The following FBXO8 variants were observed in gnomAD, a reference collection of about 807,000 sequenced individuals.
FBXO8 encodes F-box protein 8.
A neutral mutation model predicts 33.4 loss-of-function variants in FBXO8; 15 were observed. The observed-to-expected ratio is 0.45, with a 90% CI of 0.30 to 0.69. The LOEUF (loss-of-function observed/expected upper bound fraction) is 0.69. Ranked by LOEUF, FBXO8 falls within the 30% of genes least tolerant of loss-of-function variation. FBXO8 has a pLI of 0.08. For missense variants in FBXO8, 274 were observed against 380.3 expected (o/e 0.72, Z 2.32); for synonymous variants, 132 against 131.5 (o/e 1.00, Z -0.02).
At chr4:174,250,165 T>C (rs1736253811) in intron 3 of FBXO8, among the ~76,000 whole-genome samples, 2 of 152,002 alleles carry the variant, frequency 1.3e-5, no homozygotes, top group African/African-American at 2.4e-5. Flanking sequence ...ATTTTACAGA[T>C]GGGGAAACTG....
rs942434335 is a variant in FBXO8, at chr4:174,274,520, A to G, written c.-9+8890T>C. Among the ~76,000 whole-genome samples, 1 of 152,216 alleles carries G rather than the reference A, an allele frequency of 6.6e-6. No individual in the cohort carries two copies. The highest frequency in any genetic ancestry group is 1.5e-5 in the Non-Finnish European group (1 of 68,042). On this transcript the variant is annotated intron_variant, in intron 1 of 5. Coordinates refer to ENST00000393674, the MANE Select transcript of FBXO8 (RefSeq NM_012180.3). This position sits in a 1 kb window ranked among gnomAD's most constrained non-coding sequence, Gnocchi z 4.0. The stretch of plus-strand genomic sequence containing the variant: ...GAATTTCATTAATTTGGGATCTGTG[A>G]AATTTGGAGAGATGCCATTTACATA...
rs1736490797 is a variant in FBXO8, at chr4:174,259,377, AC to A, written c.456+321del. On this transcript the variant is annotated intron_variant, in intron 3 of 5. Coordinates refer to ENST00000393674, the MANE Select transcript of FBXO8 (RefSeq NM_012180.3). The surrounding 1 kb of genome is among the most constrained non-coding windows in gnomAD (Gnocchi z 4.3). ...AACTGCTGCAGATAAAATCTGATGA[AC>A]ACACTCTGTGTTCTTATTATCAAAT... 4.6e-5 allele frequency among the ~76,000 whole-genome samples: 7 copies of A among 152,196 alleles called. No individual in the cohort carries two copies. In the South Asian group the frequency reaches 1.4e-3, roughly 32 times the overall value.
chr4:174,277,498 T>C lies in FBXO8; in HGVS notation c.-9+5912A>G, dbSNP rs1363173789. Among the ~76,000 whole-genome samples, 2 of 152,126 alleles carry C rather than the reference T, an allele frequency of 1.3e-5. No individual in the cohort carries two copies. The highest frequency in any genetic ancestry group is 3.9e-4 in the East Asian group (2 of 5,190). On this transcript the variant is annotated intron_variant, in intron 1 of 5. Transcript: ENST00000393674. This position sits in a 1 kb window ranked among gnomAD's most constrained non-coding sequence, Gnocchi z 4.9. ...AAGTAATGAAGAATGGTTTATATAC[T>C]ATTTGGGCATATAAAATCTACACAG... is the stretch of plus-strand genomic sequence containing the variant.
At position 174,252,123 on chromosome 4, in the gene FBXO8, C is replaced by T. The variant is rs1159842057; in HGVS notation, c.456+7576G>A. ...AGCTGCGACTCCAGACACATGCTAT[C>T]ATACCCGGTTAATTTCTGTATTTTT... On this transcript the variant is annotated intron_variant, in intron 3 of 5. Coordinates refer to ENST00000393674, the MANE Select transcript of FBXO8 (RefSeq NM_012180.3). This position sits in a 1 kb window ranked among gnomAD's most constrained non-coding sequence, Gnocchi z 5.1. Among the ~76,000 whole-genome samples, 1 of 152,070 alleles carries T rather than the reference C, an allele frequency of 6.6e-6. No homozygotes were observed. The highest frequency in any genetic ancestry group is 1.5e-5 in the Non-Finnish European group (1 of 68,012).
chr4:174,246,625 T>C (rs1300904043), intron 3 of FBXO8, among the ~76,000 whole-genome samples: 1 of 151,712 alleles, frequency 6.6e-6, no homozygotes, highest in African/African-American at 2.4e-5. Context: ...GACCTACTCA[T>C]GTTAGAAGAC....
rs7699942 is a variant in FBXO8, at chr4:174,277,380, C to A, written c.-9+6030G>T. ...CTATCTCTCTGTAACAAGTTAAACA[C>A]CAAAATAAAGTAGTATTTATTAAGA... On this transcript the variant is annotated intron_variant, in intron 1 of 5. Transcript: ENST00000393674. The surrounding 1 kb of genome is among the most constrained non-coding windows in gnomAD (Gnocchi z 4.9). 2.0e-5 allele frequency among the ~76,000 whole-genome samples: 3 copies of A among 152,064 alleles called. No homozygotes were observed. The highest frequency in any genetic ancestry group is 2.0e-4 in the Admixed American group (3 of 15,280).
At chr4:174,268,676 T>C (rs994657220) in intron 1 of FBXO8, among the ~76,000 whole-genome samples, 4 of 152,158 alleles carry the variant, frequency 2.6e-5, no homozygotes, top group African/African-American at 9.6e-5. Context: ...GACCTCGTGA[T>C]CCGCCCGCCT....
In FBXO8 at chr4:174,237,661, A is replaced by T; in HGVS notation, c.773-62T>A. 7.3e-7 allele frequency: 1 copy of T among 1,374,400 alleles called. No homozygotes were observed. The highest frequency in any genetic ancestry group is 1.0e-6 in the Non-Finnish European group (1 of 1,004,132). The allele number at this position is 1,374,400 out of a possible 1,614,324, so 85.1% of individuals were successfully genotyped here. ...GTTTACAAAATATGATTCCAATGGCATTATATAAGGCAAAAATGTTCATAA... is the reference window on the plus strand; with the variant it reads ...GTTTACAAAATATGATTCCAATGGCTTTATATAAGGCAAAAATGTTCATAA... On this transcript the variant is annotated intron_variant, in intron 5 of 5. Transcript: ENST00000393674. This position sits in a 1 kb window ranked among gnomAD's most constrained non-coding sequence, Gnocchi z 4.4.
rs1375019426 is a variant in FBXO8, at chr4:174,257,716, T to C, written c.456+1983A>G. ...GACAGGGTCTCACTCTCACAGCTTA[T>C]TGCACTCTTGACCTCTGGGGCTACA... On this transcript the variant is annotated intron_variant, in intron 3 of 5. Transcript: ENST00000393674. This position sits in a 1 kb window ranked among gnomAD's most constrained non-coding sequence, Gnocchi z 4.3. 7.9e-5 allele frequency among the ~76,000 whole-genome samples: 12 copies of C among 152,038 alleles called. No homozygotes were observed. Among genetic ancestry groups the C allele is most frequent in the Non-Finnish European group, 1.3e-4 (9 of 67,996 alleles).
At position 174,257,970 on chromosome 4, in the gene FBXO8, C is replaced by T. The variant is rs557313253; in HGVS notation, c.456+1729G>A. 7.9e-5 allele frequency among the ~76,000 whole-genome samples: 12 copies of T among 152,186 alleles called. No homozygotes were observed. Among genetic ancestry groups the T allele is most frequent in the African/African-American group, 2.6e-4 (11 of 41,528 alleles). ...CTCAAACTCTTGGGCTCAAGTGGTC[C>T]GCCTGCCTCAGACTCCTGGAGTGCT... is the stretch of plus-strand genomic sequence containing the variant. On this transcript the variant is annotated intron_variant, in intron 3 of 5. Coordinates refer to ENST00000393674, the MANE Select transcript of FBXO8 (RefSeq NM_012180.3). This position sits in a 1 kb window ranked among gnomAD's most constrained non-coding sequence, Gnocchi z 4.3.
At chr4:174,248,126 GTCATT>G (rs1169083162) in intron 3 of FBXO8, among the ~76,000 whole-genome samples, 1 of 151,944 alleles carries the variant, frequency 6.6e-6, no homozygotes, top group Admixed American at 6.6e-5. Flanking sequence ...TTTTTATCCT[GTCATT>G]TCATTTCTTT....
rs1290522545 is a variant in FBXO8 at position 174,270,804 on chromosome 4, C to T, written c.-8-7704G>A. Among the ~76,000 whole-genome samples the T allele has an allele frequency of 2.0e-5, 3 of 152,072 alleles. No homozygotes were observed. Among genetic ancestry groups the T allele is most frequent in the African/African-American group, 7.2e-5 (3 of 41,490 alleles). ...CTAATTTTTGTATTTTTAGTAGAGA[C>T]GGAGTTTCACCATGTTGGCCAGGAT... is the stretch of plus-strand genomic sequence containing the variant. On this transcript the variant is annotated intron_variant, in intron 1 of 5. Coordinates refer to ENST00000393674, the MANE Select transcript of FBXO8 (RefSeq NM_012180.3). The surrounding 1 kb of genome is among the most constrained non-coding windows in gnomAD (Gnocchi z 4.6).
At position 174,278,718 on chromosome 4, in the gene FBXO8, G is replaced by T. The variant is rs1737008443; in HGVS notation, c.-9+4692C>A. Among the ~76,000 whole-genome samples, 2 of 152,048 alleles carry T rather than the reference G, an allele frequency of 1.3e-5. No individual in the cohort carries two copies. The highest frequency in any genetic ancestry group is 4.8e-5 in the African/African-American group (2 of 41,422). ...ACTCACCTGCCCACTAACCACAAAG[G>T]CCATTGCTATGAGTGCTATGGAATT... On this transcript the variant is annotated intron_variant, in intron 1 of 5. Transcript: ENST00000393674. The surrounding 1 kb of genome is among the most constrained non-coding windows in gnomAD (Gnocchi z 4.1).
chr4:174,247,985 T>C lies in FBXO8; in HGVS notation c.457-6767A>G, dbSNP rs1736197575. The stretch of plus-strand genomic sequence containing the variant: ...TTAAGGGAGGGTGGGCCTCACAGAA[T>C]GTGAATAATTGACAATATTTATCTG... On this transcript the variant is annotated intron_variant, in intron 3 of 5. Coordinates refer to ENST00000393674, the MANE Select transcript of FBXO8 (RefSeq NM_012180.3). This position sits in a 1 kb window ranked among gnomAD's most constrained non-coding sequence, Gnocchi z 4.6. Among the ~76,000 whole-genome samples, 1 of 152,082 alleles carries C rather than the reference T, an allele frequency of 6.6e-6. No homozygotes were observed. Among genetic ancestry groups the C allele is most frequent in the African/African-American group, 2.4e-5 (1 of 41,440 alleles).
Position 174,237,704 on chromosome 4 carries a change from T to G in FBXO8, c.773-105A>C. ...GTTCATAATTTCAAGATATCAAGAT[T>G]AGCTCATAAATACAGAGTGACCAAT... On this transcript the variant is annotated intron_variant, in intron 5 of 5. Transcript: ENST00000393674. This position sits in a 1 kb window ranked among gnomAD's most constrained non-coding sequence, Gnocchi z 4.4. 1 of 987,034 alleles carries G rather than the reference T, an allele frequency of 1.0e-6. No individual in the cohort carries two copies. Among genetic ancestry groups the G allele is most frequent in the Non-Finnish European group, 1.5e-6 (1 of 679,684 alleles). The allele number at this position is 987,034 out of a possible 1,614,324, so 61.1% of individuals were successfully genotyped here.
At chr4:174,249,782 G>T (rs1736243831) in intron 3 of FBXO8, among the ~76,000 whole-genome samples, 1 of 151,852 alleles carries the variant, frequency 6.6e-6, no homozygotes, top group Admixed American at 6.6e-5. Flanking sequence ...ATGTCAAAAA[G>T]ATTAAACTCA....
chr4:174,257,902 A>AT lies in FBXO8; in HGVS notation c.456+1796dup, dbSNP rs1170825594. Among the ~76,000 whole-genome samples the AT allele has an allele frequency of 2.6e-5, 4 of 151,900 alleles. No homozygotes were observed. The highest frequency in any genetic ancestry group is 1.9e-4 in the East Asian group (1 of 5,170). On this transcript the variant is annotated intron_variant, in intron 3 of 5. Coordinates refer to ENST00000393674, the MANE Select transcript of FBXO8 (RefSeq NM_012180.3). This position sits in a 1 kb window ranked among gnomAD's most constrained non-coding sequence, Gnocchi z 4.3. ...ACAATGCCTAGCTAATTTTTTAAAA[A>AT]TTTTTTGTGGAGACAGGACCTCCCT...
At chr4:174,248,745 A>C (rs1736218246) in intron 3 of FBXO8, among the ~76,000 whole-genome samples, 1 of 152,066 alleles carries the variant, frequency 6.6e-6, no homozygotes, top group Non-Finnish European at 1.5e-5. Flanking sequence ...CATTGTTTGA[A>C]TTGGCAAGGA....
At position 174,245,222 on chromosome 4, in the gene FBXO8, T is replaced by C. The variant is rs952308312; in HGVS notation, c.457-4004A>G. ...ATACACACGTGCCAAGGTACATCAATAATACATGGCAGTAGAAGAAAACCT... is the reference window on the plus strand; with the variant it reads ...ATACACACGTGCCAAGGTACATCAACAATACATGGCAGTAGAAGAAAACCT... On this transcript the variant is annotated intron_variant, in intron 3 of 5. Transcript: ENST00000393674. This position sits in a 1 kb window ranked among gnomAD's most constrained non-coding sequence, Gnocchi z 4.6. Among the ~76,000 whole-genome samples the C allele has an allele frequency of 3.3e-5, 5 of 151,890 alleles. No homozygotes were observed. Among genetic ancestry groups the C allele is most frequent in the African/African-American group, 1.2e-4 (5 of 41,522 alleles).
Sources: allele counts gnomAD v4.1 joint callset (sites outside exome capture counted in the v4.1 genomes callset), GRCh38; gene constraint gnomAD v4.1.1; non-coding constraint Gnocchi (gnomAD v3.1); transcripts MANE v1.5; gene names NCBI Gene and HGNC (gene_info 2026-07-23, HGNC 2026-07-21).